Variants in CSMD1 observed in about 807,000 individuals in gnomAD.
CSMD1 encodes CUB and sushi domain-containing protein 1.
A neutral mutation model predicts 417.5 loss-of-function variants in CSMD1; 213 were observed. The observed-to-expected ratio is 0.51, with a 90% CI of 0.46 to 0.57. The LOEUF is 0.57. Among genes scored for constraint, CSMD1 ranks in the 20% least tolerant of loss-of-function variants. CSMD1 has a pLI of 0.00. For missense variants in CSMD1, 6,923 were observed against 4,529.7 expected, an observed-to-expected ratio of 1.53 and a Z score of -15.17; for synonymous variants, 2,862 against 1,736.8, an observed-to-expected ratio of 1.65 and a Z score of -16.11.
intron 3 of CSMD1, among the ~76,000 whole-genome samples, chr8:4,251,860 G>A (rs899487196): frequency 6.7e-6 from 1 of 149,438 alleles, no homozygotes. Flanking sequence ...GAGAGATGGA[G>A]GAGAGAGAGG....
chr8:4,158,314 G>A (rs1032179915), intron 3 of CSMD1, among the ~76,000 whole-genome samples: 1 of 151,884 alleles, frequency 6.6e-6, no homozygotes, highest in African/African-American at 2.4e-5. Flanking sequence ...TTGGAGGAAG[G>A]ATGCAATCAT....
At chr8:4,596,143 G>A (rs932903695) in intron 2 of CSMD1, among the ~76,000 whole-genome samples, 1 of 152,036 alleles carries the variant, frequency 6.6e-6, no homozygotes, top group Non-Finnish European at 1.5e-5. Flanking sequence ...TAAAAAACTT[G>A]CTTCAGGAAT....
intron 1 of CSMD1, among the ~76,000 whole-genome samples, chr8:4,927,519 T>C (rs984916913): frequency 6.6e-6 from 1 of 152,176 alleles, no homozygotes; most frequent in Non-Finnish European, 1.5e-5. Flanking sequence ...GTCCTTTTTT[T>C]CCGAGAGCAA....
In CSMD1 at chr8:3,106,512, A is replaced by G. The variant is rs760265303; in HGVS notation, c.6949+16T>C. 2.1e-5 allele frequency: 32 copies of G among 1,514,298 alleles called. No homozygotes were observed. Among genetic ancestry groups the G allele is most frequent in the Non-Finnish European group, 2.9e-5 (32 of 1,092,900 alleles). The allele number at this position is 1,514,298 out of a possible 1,614,324, so 93.8% of individuals were successfully genotyped here. A position where few individuals can be genotyped will look rare whatever the true frequency, so the allele number is the denominator to read the frequency against. On this transcript the variant is annotated intron_variant, in intron 46 of 69. Transcript: ENST00000635120. ...TTGAATAAGTTTATGTAGTTTTAGTATCGAACAGTGCATACCTTCACATGT... is the reference window on the plus strand; with the variant it reads ...TTGAATAAGTTTATGTAGTTTTAGTGTCGAACAGTGCATACCTTCACATGT...
chr8:3,491,978 T>G (rs1011495331), intron 11 of CSMD1, among the ~76,000 whole-genome samples: 1 of 152,070 alleles, frequency 6.6e-6, no homozygotes, highest in Non-Finnish European at 1.5e-5. Flanking sequence ...TCCACCCAAT[T>G]TATTGGTTTA....
At chr8:2,973,729 C>G (rs538688111) in intron 56 of CSMD1, among the ~76,000 whole-genome samples, 12 of 150,914 alleles carry the variant, frequency 8.0e-5, no homozygotes, top group Admixed American at 7.2e-4. Context: ...GTTGCTGGTT[C>G]GCTGAATTTT....
At chr8:3,481,167 A>AC (rs1329605266) in intron 11 of CSMD1, among the ~76,000 whole-genome samples, 14 of 149,312 alleles carry the variant, frequency 9.4e-5, no homozygotes, top group Non-Finnish European at 1.3e-4. Context: ...AAAAAAAAAA[A>AC]AAAAAAAAAA....
intron 41 of CSMD1, among the ~76,000 whole-genome samples, chr8:3,126,411 C>G (rs1404206300): frequency 6.6e-6 from 1 of 152,172 alleles, no homozygotes; most frequent in Non-Finnish European, 1.5e-5. Flanking sequence ...GGGTGAATCA[C>G]TCTAAGAAAA....
chr8:4,045,271 T>A (rs1030593514), intron 3 of CSMD1, among the ~76,000 whole-genome samples: 3 of 152,116 alleles, frequency 2.0e-5, no homozygotes, highest in African/African-American at 7.2e-5. Context: ...GCCTCTCATT[T>A]CTCCCCACAT....
At chr8:4,800,237 G>A (rs1057350280) in intron 1 of CSMD1, among the ~76,000 whole-genome samples, 2 of 151,988 alleles carry the variant, frequency 1.3e-5, no homozygotes, top group Non-Finnish European at 2.9e-5. Context: ...TCAGGAGTTG[G>A]AGACGAGACT....
chr8:4,308,529 T>A (rs1390941819), intron 3 of CSMD1, among the ~76,000 whole-genome samples: 1 of 152,232 alleles, frequency 6.6e-6, no homozygotes, highest in Non-Finnish European at 1.5e-5. Context: ...CCCTGCTGTG[T>A]TTAGCAGAGT....
chr8:4,735,406 C>T (rs994539195), intron 1 of CSMD1, among the ~76,000 whole-genome samples: 1 of 152,118 alleles, frequency 6.6e-6, no homozygotes, highest in South Asian at 2.1e-4. Context: ...CCCAAATAAC[C>T]TTCTTTTTTC....
intron 12 of CSMD1, among the ~76,000 whole-genome samples, chr8:3,438,835 G>A (rs1031166837): frequency 6.6e-5 from 10 of 151,928 alleles, no homozygotes; most frequent in Non-Finnish European, 1.3e-4. Flanking sequence ...GAAATTGCTG[G>A]CCAGGTGTGG....
chr8:3,308,706 T>C (rs192295644), intron 23 of CSMD1, among the ~76,000 whole-genome samples: 216 of 144,356 alleles, frequency 1.5e-3, no homozygotes, highest in African/African-American at 5.3e-3. Flanking sequence ...AGTTCGGTCA[T>C]CTTATTTGTT....
intron 3 of CSMD1, among the ~76,000 whole-genome samples, chr8:4,229,734 G>A (rs1801592331): frequency 6.6e-6 from 1 of 152,022 alleles, no homozygotes; most frequent in Non-Finnish European, 1.5e-5. Context: ...CCCATCCTCT[G>A]CCGTCCTGCT....
intron 37 of CSMD1, among the ~76,000 whole-genome samples, chr8:3,178,761 A>G (rs1821101247): frequency 6.6e-6 from 1 of 152,142 alleles, no homozygotes. Flanking sequence ...TTTCATGGAC[A>G]TAAAATAAAA....
chr8:3,461,916 T>A (rs1816529791), intron 12 of CSMD1, among the ~76,000 whole-genome samples: 1 of 152,188 alleles, frequency 6.6e-6, no homozygotes, highest in Non-Finnish European at 1.5e-5. Flanking sequence ...CTAGCCCAGC[T>A]GAGAGGCCAG....
chr8:3,549,669 G>C (rs1324476411), intron 10 of CSMD1, among the ~76,000 whole-genome samples: 1 of 152,202 alleles, frequency 6.6e-6, no homozygotes, highest in Non-Finnish European at 1.5e-5. Context: ...GAGAAATCTA[G>C]CTAGCCCCCT....
chr8:4,912,863 A>G (rs747252672), intron 1 of CSMD1, among the ~76,000 whole-genome samples: 8 of 151,996 alleles, frequency 5.3e-5, no homozygotes, highest in Non-Finnish European at 1.0e-4. Context: ...TTGGCTTACT[A>G]CAACCTCCAC....
Sources: gnomAD v4.1 joint callset for allele counts (sites outside exome capture counted in the v4.1 genomes callset) on GRCh38, gnomAD v4.1.1 for gene constraint, MANE v1.5 for transcripts, NCBI Gene and HGNC (gene_info 2026-07-23, HGNC 2026-07-21) for gene names.